Variants in SLC41A3 observed in about 807,000 individuals in gnomAD.
SLC41A3 encodes the protein solute carrier family 41 member 3, also known as SLC41A1-like 2.
Under a neutral mutation model 45.4 loss-of-function variants are expected in SLC41A3, and 44 were observed. The ratio of observed to expected loss-of-function variants is 0.97; its 90% CI spans 0.76 to 1.25. SLC41A3 has a LOEUF of 1.25. Ranked by LOEUF, SLC41A3 falls within the 50% of genes most tolerant of loss-of-function variation. SLC41A3 has a pLI of 0.00. For missense variants in SLC41A3, 550 were observed against 600.6 expected (o/e 0.92, Z 0.88); for synonymous variants, 256 against 252.4 (o/e 1.01, Z -0.13).
In SLC41A3 at chr3:126,006,429, A is replaced by C. The variant is rs200886927; in HGVS notation, c.*587T>G. On this transcript the variant is annotated 3_prime_UTR_variant, in exon 11 of 11. Coordinates refer to ENST00000360370, the MANE Select transcript of SLC41A3 (RefSeq NM_017836.4). ...AATCTAAATAGAGGTTTTTGCTAACAAACAAAAAGGAAAATAAAAAGACAG... is the reference window on the plus strand; with the variant it reads ...AATCTAAATAGAGGTTTTTGCTAACCAACAAAAAGGAAAATAAAAAGACAG... The C allele has an allele frequency of 3.9e-6, 4 of 1,037,518 alleles. No individual in the cohort carries two copies. The highest frequency in any genetic ancestry group is 5.4e-6 in the Non-Finnish European group (4 of 738,720). 64.3% of individuals were successfully genotyped at this position (1,037,518 alleles called of 1,614,324 possible).
chr3:126,018,099 C>T (rs1428376227), intron 6 of SLC41A3, among the ~76,000 whole-genome samples: 1 of 152,218 alleles, frequency 6.6e-6, no homozygotes, highest in Non-Finnish European at 1.5e-5. Flanking sequence ...GTATTACAGT[C>T]AGCTGCTCAC....
upstream of SLC41A3, among the ~76,000 whole-genome samples, chr3:126,088,555 G>A (rs557368964): frequency 1.2e-4 from 18 of 152,110 alleles, no homozygotes; most frequent in African/African-American, 4.1e-4. Context: ...GTTTTTCTTC[G>A]CTAGTTAAAA....
chr3:126,061,291 G>T (rs900488367), intron 2 of SLC41A3, among the ~76,000 whole-genome samples: 1 of 152,096 alleles, frequency 6.6e-6, no homozygotes, highest in Non-Finnish European at 1.5e-5. Context: ...TTCTGATCTC[G>T]ACTGGCAGAA....
intron 8 of SLC41A3, among the ~76,000 whole-genome samples, chr3:126,013,672 T>C (rs1046073590): frequency 6.6e-6 from 1 of 151,978 alleles, no homozygotes; most frequent in African/African-American, 2.4e-5. Context: ...CTCTCATGGC[T>C]GTGTGGTCTG....
chr3:126,065,672 G>A (rs1944313818), intron 2 of SLC41A3, among the ~76,000 whole-genome samples: 1 of 152,174 alleles, frequency 6.6e-6, no homozygotes, highest in Non-Finnish European at 1.5e-5. Context: ...GGAAGGCATA[G>A]GCTCAGAGCC....
In SLC41A3 at chr3:126,090,163, A is replaced by G. The variant is rs528271312; in HGVS notation, c.-79+11266T>C. Reference sequence around the variant, plus strand: ...TATAGTTATTTGTGTAAGTTCAATAAAAGTCTTTTAAAACAGAACAGTTGG... The same window carrying G: ...TATAGTTATTTGTGTAAGTTCAATAGAAGTCTTTTAAAACAGAACAGTTGG... On this transcript the variant is annotated intron_variant, in intron 1 of 9. Transcript: ENST00000508835. Among the ~76,000 whole-genome samples the G allele has an allele frequency of 2.6e-5, 4 of 152,084 alleles. 1 individual carries two copies. The South Asian group carries it at 8.3e-4, about 32-fold the overall frequency.
chr3:126,029,190 G>C (rs1941606458), intron 4 of SLC41A3, among the ~76,000 whole-genome samples: 1 of 152,204 alleles, frequency 6.6e-6, no homozygotes. Flanking sequence ...AAATTATATA[G>C]TTTGTATTTG....
chr3:126,078,989 C>A (rs977296609), intron 1 of SLC41A3: 1 of 152,320 alleles, frequency 6.6e-6, no homozygotes, highest in African/African-American at 2.4e-5. Context: ...CTCCTCTTCT[C>A]CTGATGCAAA....
intron 1 of SLC41A3, among the ~76,000 whole-genome samples, chr3:126,097,548 T>C (rs1346652777): frequency 6.6e-6 from 1 of 152,210 alleles, no homozygotes; most frequent in Non-Finnish European, 1.5e-5. Context: ...CTTATAATTT[T>C]ATTTTTGGCT....
At chr3:126,056,997 G>A in intron 2 of SLC41A3, 2 of 1,026,042 alleles carry the variant, frequency 1.9e-6, no homozygotes, top group Non-Finnish European at 2.3e-6. Flanking sequence ...CTTGGTGAGT[G>A]CCCACACGGA....
intron 1 of SLC41A3, among the ~76,000 whole-genome samples, chr3:126,069,158 G>A (rs1212695399): frequency 6.6e-6 from 1 of 150,924 alleles, no homozygotes; most frequent in African/African-American, 2.4e-5. Context: ...GGCCACCAAT[G>A]GATAGTGCCA....
At chr3:126,063,325 C>A (rs892922237) in intron 2 of SLC41A3, among the ~76,000 whole-genome samples, 1 of 152,032 alleles carries the variant, frequency 6.6e-6, no homozygotes. Flanking sequence ...TCTTGGCTAC[C>A]CAAGGCCCCT....
chr3:126,028,443 T>C (rs572208944), intron 4 of SLC41A3, among the ~76,000 whole-genome samples: 2 of 152,372 alleles, frequency 1.3e-5, no homozygotes, highest in South Asian at 4.1e-4. Context: ...ATGCCTGCGG[T>C]TGCACAGAGT....
chr3:126,023,310 G>C (rs796253983), intron 5 of SLC41A3: 2 of 177,580 alleles, frequency 1.1e-5, no homozygotes, highest in Non-Finnish European at 2.4e-5. Flanking sequence ...GGAACCCCTC[G>C]GGGTGAGCTC....
At position 126,007,139 on chromosome 3, in the gene SLC41A3, G is replaced by A. The variant is rs1245809486; in HGVS notation, c.1341C>T (p.Tyr447=). ...ALDPDNHCIP[Y]LTGLGDLLGT... is the part of the protein sequence containing the mutation. The stretch of plus-strand genomic sequence containing the variant: ...CGAGCAGGTCCCCCAGCCCTGTAAG[G>A]TAGGGGATGCAGTGGTTGTCAGGAT... The change falls in exon 11 of 11, where the codon TAC becomes TAT. Residue 447 remains tyrosine (Y), a synonymous_variant. Transcript: ENST00000360370. 8.1e-6 allele frequency: 13 copies of A among 1,614,110 alleles called. No homozygotes were observed. Among genetic ancestry groups the A allele is most frequent in the Non-Finnish European group, 1.0e-5 (12 of 1,180,048 alleles).
chr3:126,057,536 G>A (rs1943749959), intron 2 of SLC41A3, among the ~76,000 whole-genome samples: 1 of 152,206 alleles, frequency 6.6e-6, no homozygotes. Flanking sequence ...ACCCAGCACT[G>A]TGGTCGGGTC....
Position 126,016,643 on chromosome 3 carries a change from T to TC in SLC41A3, c.890+87dup, listed in dbSNP as rs543325703. On this transcript the variant is annotated intron_variant, in intron 7 of 10. Transcript: ENST00000360370. Reference sequence around the variant, plus strand: ...ACAGCTACATTTCACTCCATTCCTGTCCCCCAAGGCAGTGAGTGTCACCCT... The same window carrying TC: ...ACAGCTACATTTCACTCCATTCCTGTCCCCCCAAGGCAGTGAGTGTCACCCT... 446 of 1,482,112 alleles carry TC rather than the reference T, an allele frequency of 3.0e-4. 3 individuals are homozygous for TC. In the African/African-American group the frequency reaches 5.6e-3, roughly 18 times the overall value. The allele number at this position is 1,482,112 out of a possible 1,614,324, so 91.8% of individuals were successfully genotyped here. A position where few individuals can be genotyped will look rare whatever the true frequency, so the allele number is the denominator to read the frequency against.
intron 9 of SLC41A3, among the ~76,000 whole-genome samples, chr3:126,010,153 C>G (rs1056909443): frequency 6.6e-6 from 1 of 152,296 alleles, no homozygotes; most frequent in African/African-American, 2.4e-5. Flanking sequence ...CCTCAGCCAT[C>G]AAGAAATGCA....
chr3:126,045,478 G>A (rs1942903872), intron 3 of SLC41A3, among the ~76,000 whole-genome samples: 1 of 151,796 alleles, frequency 6.6e-6, no homozygotes, highest in Admixed American at 6.6e-5. Flanking sequence ...GAAATAAAAA[G>A]GAATACAAGA....
Sources: gnomAD v4.1 joint callset for allele counts (sites outside exome capture counted in the v4.1 genomes callset) on GRCh38, gnomAD v4.1.1 for gene constraint, MANE v1.5 for transcripts, NCBI Gene and HGNC (gene_info 2026-07-23, HGNC 2026-07-21) for gene names.